The following PDE10A variants were observed in gnomAD, a reference collection of about 807,000 sequenced individuals.
PDE10A encodes phosphodiesterase 10A.
PDE10A carries 39 observed loss-of-function variants against 97.7 expected under a neutral mutation model. That is an observed-to-expected ratio of 0.40 (90% confidence interval 0.31 to 0.52). The LOEUF (loss-of-function observed/expected upper bound fraction) is 0.52. Among genes scored for constraint, PDE10A ranks in the 20% least tolerant of loss-of-function variants. PDE10A has a pLI of 0.56. For missense variants in PDE10A, 731 were observed against 1,047.8 expected (o/e 0.70, Z 4.17); for synonymous variants, 371 against 376.8 (o/e 0.98, Z 0.18).
At chr6:165,480,801 G>A (rs1298811390) in intron 3 of PDE10A, among the ~76,000 whole-genome samples, 1 of 152,054 alleles carries the variant, frequency 6.6e-6, no homozygotes, top group Non-Finnish European at 1.5e-5. Context: ...TGAAAATAGT[G>A]GCATACTATT....
chr6:165,979,065 C>G (rs142378850), intron 1 of PDE10A, among the ~76,000 whole-genome samples: 2 of 152,164 alleles, frequency 1.3e-5, no homozygotes, highest in Non-Finnish European at 2.9e-5. Flanking sequence ...TGATGACACA[C>G]GCACCAAGAG....
At chr6:165,840,299 G>A (rs927046221) in intron 1 of PDE10A, among the ~76,000 whole-genome samples, 1 of 152,042 alleles carries the variant, frequency 6.6e-6, no homozygotes, top group African/African-American at 2.4e-5. Context: ...GCAAACTGGA[G>A]CGGGTTTCCT....
intron 1 of PDE10A, among the ~76,000 whole-genome samples, chr6:165,669,521 T>C (rs547851671): frequency 6.6e-6 from 1 of 152,368 alleles, no homozygotes; most frequent in African/African-American, 2.4e-5. Context: ...TAGTAATTGA[T>C]AAGGGTTTTA....
chr6:165,447,471 C>T (rs1209581987), intron 5 of PDE10A, among the ~76,000 whole-genome samples: 1 of 152,304 alleles, frequency 6.6e-6, no homozygotes, highest in Non-Finnish European at 1.5e-5. Context: ...GCGTGGCCAA[C>T]TGGGGGGCTG....
intron 1 of PDE10A, among the ~76,000 whole-genome samples, chr6:165,901,530 C>T (rs6936068): frequency 0.094 from 14,341 of 152,176 alleles, 840 homozygotes; most frequent in Middle Eastern, 0.16. Flanking sequence ...TGGCCAGGCA[C>T]GGTGGTTCAT....
At chr6:165,631,375 A>C (rs1360499828) in intron 1 of PDE10A, among the ~76,000 whole-genome samples, 1 of 152,236 alleles carries the variant, frequency 6.6e-6, no homozygotes, top group Non-Finnish European at 1.5e-5. Context: ...TTTTTAAAGA[A>C]AAGTAACTGA....
intron 1 of PDE10A, among the ~76,000 whole-genome samples, chr6:165,938,573 G>A (rs1783413119): frequency 6.6e-6 from 1 of 152,128 alleles, no homozygotes; most frequent in African/African-American, 2.4e-5. Flanking sequence ...TTCAAGTCAG[G>A]TTCCCATGTG....
chr6:165,636,581 G>A (rs1044129708), intron 1 of PDE10A, among the ~76,000 whole-genome samples: 48 of 152,152 alleles, frequency 3.2e-4, no homozygotes, highest in African/African-American at 1.1e-3. Context: ...GGCCCCAACT[G>A]TATCCCCAAG....
At chr6:165,730,100 A>G (rs1792393267) in intron 1 of PDE10A, among the ~76,000 whole-genome samples, 1 of 152,062 alleles carries the variant, frequency 6.6e-6, no homozygotes, top group Admixed American at 6.6e-5. Flanking sequence ...AAAAAGATAT[A>G]CAAGTGACAT....
At position 165,837,199 on chromosome 6, in the gene PDE10A, T is replaced by TA. The variant is rs201737058; in HGVS notation, c.-615+150329dup. 7.8e-3 allele frequency among the ~76,000 whole-genome samples: 994 copies of TA among 128,084 alleles called. 10 individuals are homozygous for TA. Among genetic ancestry groups the TA allele is most frequent in the African/African-American group, 0.027 (808 of 30,334 alleles). The allele number at this position is 128,084 out of a possible 152,430, so 84.0% of individuals were successfully genotyped here. ...ATGTACCCTAAAACTTAAAGTATAA[T>TA]AAAAAAAAAAGAGTAATACAAACTC... On this transcript the variant is annotated intron_variant, in intron 1 of 19. Transcript: ENST00000366882.
intron 2 of PDE10A, among the ~76,000 whole-genome samples, chr6:165,492,115 T>C (rs912061557): frequency 2.0e-5 from 3 of 152,036 alleles, no homozygotes; most frequent in Admixed American, 1.3e-4. Context: ...CTAGAGGAGA[T>C]GGATAAATTC....
chr6:165,390,340 G>A (rs1785616190), intron 16 of PDE10A, among the ~76,000 whole-genome samples: 1 of 152,194 alleles, frequency 6.6e-6, no homozygotes, highest in Admixed American at 6.5e-5. Context: ...AAGGTCAGAA[G>A]CTTGATCAGA....
intron 1 of PDE10A, among the ~76,000 whole-genome samples, chr6:165,633,971 A>C (rs1788755072): frequency 6.6e-6 from 1 of 152,156 alleles, no homozygotes; most frequent in Admixed American, 6.5e-5. Flanking sequence ...AGGGTCTGCT[A>C]TTTAAGAAAG....
intron 1 of PDE10A, among the ~76,000 whole-genome samples, chr6:165,640,647 G>A (rs950250761): frequency 2.6e-5 from 4 of 152,242 alleles, no homozygotes; most frequent in South Asian, 2.1e-4. Context: ...TCAGAAACGC[G>A]GAAACCACAA....
intron 1 of PDE10A, among the ~76,000 whole-genome samples, chr6:165,926,709 A>G (rs996805243): frequency 2.6e-5 from 4 of 151,368 alleles, no homozygotes; most frequent in African/African-American, 9.7e-5. Flanking sequence ...CTCAGCATCA[A>G]AGACGTGTCA....
At chr6:165,338,594 ATTAT>A (rs1781783827) in intron 20 of PDE10A, among the ~76,000 whole-genome samples, 1 of 152,328 alleles carries the variant, frequency 6.6e-6, no homozygotes, top group African/African-American at 2.4e-5. Context: ...AATACTAAGC[ATTAT>A]TTGTCAGAAA....
At chr6:165,502,920 G>T (rs1384569075) in intron 2 of PDE10A, among the ~76,000 whole-genome samples, 1 of 152,096 alleles carries the variant, frequency 6.6e-6, no homozygotes. Flanking sequence ...TGATTGGGGT[G>T]GTAGTTACAG....
At chr6:165,435,059 G>A (rs1334316229) in intron 6 of PDE10A, among the ~76,000 whole-genome samples, 178 bp downstream of exon 6, 1 of 152,156 alleles carries the variant, frequency 6.6e-6, no homozygotes, top group Non-Finnish European at 1.5e-5. Flanking sequence ...CTGTTAGTGG[G>A]TAAAGGGAAT....
intron 1 of PDE10A, among the ~76,000 whole-genome samples, chr6:165,766,461 T>C (rs1431853333): frequency 6.6e-6 from 1 of 152,252 alleles, no homozygotes; most frequent in Non-Finnish European, 1.5e-5. Flanking sequence ...TAGTGCCTAA[T>C]TGAAAACCTC....
Sources: gnomAD v4.1 joint callset for allele counts (sites outside exome capture counted in the v4.1 genomes callset) on GRCh38, gnomAD v4.1.1 for gene constraint, MANE v1.5 for transcripts, NCBI Gene and HGNC (gene_info 2026-07-23, HGNC 2026-07-21) for gene names.